NPTX1: variants seen among roughly 807,000 people sequenced by gnomAD.
NPTX1 encodes neuronal pentraxin-1.
A neutral mutation model predicts 38.7 loss-of-function variants in NPTX1; 12 were observed. That is an observed-to-expected ratio of 0.31 (90% CI 0.20 to 0.50). The LOEUF (loss-of-function observed/expected upper bound fraction) is 0.50, where lower values mean the gene tolerates loss of function less well. Among genes scored for constraint, NPTX1 ranks in the 20% least tolerant of loss-of-function variants. NPTX1 has a pLI of 0.98. For synonymous variants in NPTX1, 272 were observed against 264.9 expected (o/e 1.03, Z -0.26); for missense variants, 454 against 592.2 (o/e 0.77, Z 2.42).
chr17:80,474,800 A>ACCCCCCCCCCCCC (rs34595603), intron 2 of NPTX1: 65 of 114,698 alleles, frequency 5.7e-4, no homozygotes, highest in Non-Finnish European at 7.5e-4. Flanking sequence ...CGCACCGGGC[A>ACCCCCCCCCCCCC]CCCCCCCCCC....
rs114237950 is a variant in NPTX1 at position 80,471,400 on chromosome 17, G to C, written c.1077+332C>G. On this transcript the variant is annotated intron_variant, in intron 4 of 4. Coordinates refer to ENST00000306773, the MANE Select transcript of NPTX1 (RefSeq NM_002522.4). ...CTGCCCAACAGGGACAGACGTCCCC[G>C]ATTCTCCATCCCTTCGTCTTCCTCC... 7.9e-3 allele frequency among the ~76,000 whole-genome samples: 1,199 copies of C among 152,266 alleles called. 15 individuals carry two copies. The highest frequency in any genetic ancestry group is 0.027 in the African/African-American group (1,137 of 41,550).
rs775936024 is a variant in NPTX1, at chr17:80,476,174, G to T, written c.273C>A (p.Ser91Arg). ...ELTAKLGRCE[S>R]QSTLDPGAGE... ...CGGCTCCGGGGTCCAGCGTGCTCTG[G>T]CTCTCGCAGCGGCCCAGCTTGGCGG... Residue 91 changes from serine to arginine, a missense_variant, in exon 1 of 5, where the codon AGC becomes AGA. This residue lies in a region of NPTX1 where 288 missense variants were observed against 318.4 expected (regional missense o/e 0.90). Transcript: ENST00000306773. This position sits in a 1 kb window ranked among gnomAD's most constrained non-coding sequence, Gnocchi z 6.3. 17 of 1,585,342 alleles carry T rather than the reference G, an allele frequency of 1.1e-5. No individual in the cohort carries two copies. The highest frequency in any genetic ancestry group is 1.5e-5 in the Non-Finnish European group (17 of 1,171,206).
rs1033367783 is a variant in NPTX1, at chr17:80,467,924, G to A, written c.*2889C>T. 10 of 152,584 alleles carry A rather than the reference G, an allele frequency of 6.6e-5. No homozygotes were observed. The highest frequency in any genetic ancestry group is 2.2e-4 in the African/African-American group (9 of 41,438). The allele number at this position is 152,584 out of a possible 1,614,324, so 9.5% of individuals were successfully genotyped here. ...TCAAGTGGGATCTAAGCCCCTGAGG[G>A]CCCGGAGAGCTTCTGTCAACAGCTC... On this transcript the variant is annotated 3_prime_UTR_variant, in exon 5 of 5. Transcript: ENST00000306773.
chr17:80,473,122 G>A, intron 3 of NPTX1, 78 bp downstream of exon 3: 3 of 1,539,532 alleles, frequency 1.9e-6, no homozygotes. Flanking sequence ...GGCCACCATA[G>A]CCCTGTCTCC....
chr17:80,474,911 A>T (rs2083869782), intron 2 of NPTX1, among the ~76,000 whole-genome samples: 1 of 150,606 alleles, frequency 6.6e-6, no homozygotes. Flanking sequence ...TGAGTTGGTG[A>T]CTGAGAAACC....
At position 80,467,889 on chromosome 17, in the gene NPTX1, G is replaced by A. The variant is rs940881333; in HGVS notation, c.*2924C>T. 2 of 152,576 alleles carry A rather than the reference G, an allele frequency of 1.3e-5. No individual in the cohort carries two copies. Among genetic ancestry groups the A allele is most frequent in the Non-Finnish European group, 2.9e-5 (2 of 68,032 alleles). 9.5% of individuals were successfully genotyped at this position (152,576 alleles called of 1,614,324 possible). On this transcript the variant is annotated 3_prime_UTR_variant, in exon 5 of 5. Coordinates refer to ENST00000306773, the MANE Select transcript of NPTX1 (RefSeq NM_002522.4). Reference sequence around the variant, plus strand: ...AATACTGTGTTATCAAAAGCAAGAAGGCTTACGACTCAAGTGGGATCTAAG... The same window carrying A: ...AATACTGTGTTATCAAAAGCAAGAAAGCTTACGACTCAAGTGGGATCTAAG...
chr17:80,471,168 G>A (rs1443792332), intron 4 of NPTX1, 134 bp from the exon 5 acceptor site: 23 of 666,176 alleles, frequency 3.5e-5, no homozygotes, highest in Middle Eastern at 4.1e-4. Flanking sequence ...GTGCCGTTTC[G>A]TCTCCCTGTC....
Position 80,475,888 on chromosome 17 carries a change from A to C in NPTX1, c.444+115T>G, listed in dbSNP as rs1599508436. The C allele has an allele frequency of 1.1e-6, 1 of 908,130 alleles. No individual in the cohort carries two copies. The highest frequency in any genetic ancestry group is 1.5e-6 in the Non-Finnish European group (1 of 658,512). The allele number at this position is 908,130 out of a possible 1,614,324, so 56.3% of individuals were successfully genotyped here. On this transcript the variant is annotated intron_variant, in intron 1 of 4. Coordinates refer to ENST00000306773, the MANE Select transcript of NPTX1 (RefSeq NM_002522.4). This position sits in a 1 kb window ranked among gnomAD's most constrained non-coding sequence, Gnocchi z 6.5. ...AGGCGCGGGGAGGCACCGGCCGGGCACCCGCGCGGCTGAGGCGAGGGCGGG... is the reference window on the plus strand; with the variant it reads ...AGGCGCGGGGAGGCACCGGCCGGGCCCCCGCGCGGCTGAGGCGAGGGCGGG...
rs1003269687 is a variant in NPTX1 at position 80,473,122 on chromosome 17, G to C, written c.897+78C>G. On this transcript the variant is annotated intron_variant, in intron 3 of 4. Transcript: ENST00000306773. The stretch of plus-strand genomic sequence containing the variant: ...CCCATCAACATCTGAGGCCACCATA[G>C]CCCTGTCTCCGCATGCAACATGAGC... The C allele has an allele frequency of 2.6e-6, 4 of 1,539,416 alleles. No homozygotes were observed. In the African/African-American group the frequency reaches 5.5e-5, roughly 21 times the overall value.
At chr17:80,472,056 C>T (rs1863240282) in intron 3 of NPTX1, 145 bp from the exon 4 acceptor site, 6 of 818,200 alleles carry the variant, frequency 7.3e-6, no homozygotes, top group Non-Finnish European at 1.1e-5. Context: ...ACCTACTGCC[C>T]CAGACTTCAG....
rs2083883989 is a variant in NPTX1, at chr17:80,476,479, C to T, written c.-33G>A. On this transcript the variant is annotated 5_prime_UTR_variant, in exon 1 of 5. Transcript: ENST00000306773. This position sits in a 1 kb window ranked among gnomAD's most constrained non-coding sequence, Gnocchi z 6.3. ...GGCACCGGGCGCTCCGGGCCCGGCT[C>T]GGCTCGGCTGGGGCTCGGCTCCGGC... 5 of 1,163,796 alleles carry T rather than the reference C, an allele frequency of 4.3e-6. No homozygotes were observed. The highest frequency in any genetic ancestry group is 5.3e-6 in the Non-Finnish European group (5 of 945,102). The allele number at this position is 1,163,796 out of a possible 1,614,324, so 72.1% of individuals were successfully genotyped here. A position where few individuals can be genotyped will look rare whatever the true frequency, so the allele number is the denominator to read the frequency against.
At position 80,473,457 on chromosome 17, in the gene NPTX1, C is replaced by T. The variant is rs775580066; in HGVS notation, c.653-13G>A. On this transcript the variant is annotated splice_polypyrimidine_tract_variant and intron_variant, in intron 2 of 4. Coordinates refer to ENST00000306773, the MANE Select transcript of NPTX1 (RefSeq NM_002522.4). ...TTGTCTTTCTGACCTGCGGAAGACA[C>T]AGTCCTGACATCTGCACCTGCGTGA... 2.5e-6 allele frequency: 4 copies of T among 1,613,066 alleles called. No individual in the cohort carries two copies. The highest frequency in any genetic ancestry group is 2.7e-5 in the African/African-American group (2 of 75,040).
intron 3 of NPTX1, 140 bp downstream of exon 3, chr17:80,473,060 T>G: frequency 4.3e-6 from 3 of 691,896 alleles, no homozygotes; most frequent in Non-Finnish European, 6.9e-6. Flanking sequence ...ACCCTCCCCC[T>G]CCCTCAGTCC....
Position 80,475,736 on chromosome 17 carries a change from G to A in NPTX1, c.445-18C>T, listed in dbSNP as rs974659009. On this transcript the variant is annotated intron_variant, in intron 1 of 4. Coordinates refer to ENST00000306773, the MANE Select transcript of NPTX1 (RefSeq NM_002522.4). The surrounding 1 kb of genome is among the most constrained non-coding windows in gnomAD (Gnocchi z 6.5). ...CTGTACTGCTGCGGGGTGCAAGGGC[G>A]GGGGAAACCACACCGTTAGGCGAGG... 15 of 1,579,076 alleles carry A rather than the reference G, an allele frequency of 9.5e-6. No homozygotes were observed. The Admixed American group carries it at 1.7e-4, about 18-fold the overall frequency.
In NPTX1 at chr17:80,475,452, G is replaced by C. The variant is rs1334898186; in HGVS notation, c.652+59C>G. 2 of 1,445,058 alleles carry C rather than the reference G, an allele frequency of 1.4e-6. No homozygotes were observed. Among genetic ancestry groups the C allele is most frequent in the Non-Finnish European group, 1.9e-6 (2 of 1,051,292 alleles). The allele number at this position is 1,445,058 out of a possible 1,614,324, so 89.5% of individuals were successfully genotyped here. The stretch of plus-strand genomic sequence containing the variant: ...AGCTGGGCTGTTAGGGATCGGGACC[G>C]AGGCAGGGTCGGGCAAGCAGGTGCA... On this transcript the variant is annotated intron_variant, in intron 2 of 4. Transcript: ENST00000306773. This position sits in a 1 kb window ranked among gnomAD's most constrained non-coding sequence, Gnocchi z 6.5.
In NPTX1 at chr17:80,469,524, C is replaced by A. The variant is rs186511520; in HGVS notation, c.*1289G>T. On this transcript the variant is annotated 3_prime_UTR_variant, in exon 5 of 5. Coordinates refer to ENST00000306773, the MANE Select transcript of NPTX1 (RefSeq NM_002522.4). ...CTGGACACTGCTCAGGTGTCAGTGT[C>A]GCCGGCCAGTGGCAGCTTGTGGGCT... The A allele has an allele frequency of 6.6e-6, 1 of 152,274 alleles. No individual in the cohort carries two copies. The highest frequency in any genetic ancestry group is 2.4e-5 in the African/African-American group (1 of 41,462). The allele number at this position is 152,274 out of a possible 1,614,324, so 9.4% of individuals were successfully genotyped here.
rs149575016 is a variant in NPTX1 at position 80,472,279 on chromosome 17, C to T, written c.898-368G>A. On this transcript the variant is annotated intron_variant, in intron 3 of 4. Transcript: ENST00000306773. ...CACTGCTGCCTCTCAAGGCTCCGTGCGACATCTGTGCAGCCTCCTTGCTGG... is the reference window on the plus strand; with the variant it reads ...CACTGCTGCCTCTCAAGGCTCCGTGTGACATCTGTGCAGCCTCCTTGCTGG... 3.3e-3 allele frequency among the ~76,000 whole-genome samples: 500 copies of T among 152,326 alleles called. 1 individual carries two copies. Among genetic ancestry groups the T allele is most frequent in the Middle Eastern group, 0.01 (3 of 294 alleles).
In NPTX1 at chr17:80,469,116, C is replaced by T. The variant is rs1350792478; in HGVS notation, c.*1697G>A. 2.0e-5 allele frequency: 3 copies of T among 152,492 alleles called. No individual in the cohort carries two copies. Among genetic ancestry groups the T allele is most frequent in the Admixed American group, 6.5e-5 (1 of 15,282 alleles). The allele number at this position is 152,492 out of a possible 1,614,324, so 9.4% of individuals were successfully genotyped here. On this transcript the variant is annotated 3_prime_UTR_variant, in exon 5 of 5. Coordinates refer to ENST00000306773, the MANE Select transcript of NPTX1 (RefSeq NM_002522.4). ...ACTAGGTTCTTGACACAACGTGGAC[C>T]TGTGTTTAAGGGGACAGGTGGCCCT... is the stretch of plus-strand genomic sequence containing the variant.
chr17:80,476,541 C>G lies in NPTX1; in HGVS notation c.-95G>C. 1.5e-6 allele frequency: 1 copy of G among 659,932 alleles called. No individual in the cohort carries two copies. The highest frequency in any genetic ancestry group is 1.9e-6 in the Non-Finnish European group (1 of 528,684). 40.9% of individuals were successfully genotyped at this position (659,932 alleles called of 1,614,324 possible). A position where few individuals can be genotyped will look rare whatever the true frequency, so the allele number is the denominator to read the frequency against. On this transcript the variant is annotated 5_prime_UTR_variant, in exon 1 of 5. Transcript: ENST00000306773. This position sits in a 1 kb window ranked among gnomAD's most constrained non-coding sequence, Gnocchi z 6.3. ...TCGGGCTGTGGCTCCGCGAGCGGCC[C>G]GCGCTCTGGGCGCCGCGCTCTTCGG... is the stretch of plus-strand genomic sequence containing the variant.
Sources: allele counts gnomAD v4.1 joint callset (sites outside exome capture counted in the v4.1 genomes callset), GRCh38; gene constraint gnomAD v4.1.1; regional missense constraint gnomAD v4.1.1; non-coding constraint Gnocchi (gnomAD v3.1); transcripts MANE v1.5; gene names NCBI Gene and HGNC (gene_info 2026-07-23, HGNC 2026-07-21).